Variants in IL5 observed in about 807,000 individuals in gnomAD.
The protein encoded by IL5 is interleukin 5.
Under a neutral mutation model 16.3 loss-of-function variants are expected in IL5, and 12 were observed. The observed-to-expected ratio is 0.74, with a 90% CI of 0.47 to 1.20. The LOEUF (loss-of-function observed/expected upper bound fraction) is 1.20, where lower values mean the gene tolerates loss of function less well. IL5 is among the 50% of genes most tolerant of loss of function. The pLI is 0.00. For synonymous variants in IL5, 54 were observed against 56.6 expected, an observed-to-expected ratio of 0.95 and a Z score of 0.21; for missense variants, 159 against 153.9, an observed-to-expected ratio of 1.03 and a Z score of -0.17.
intron 1 of IL5, among the ~76,000 whole-genome samples, chr5:132,555,532 T>C (rs971682905): frequency 6.6e-6 from 1 of 152,254 alleles, no homozygotes; most frequent in Non-Finnish European, 1.5e-5. Context: ...TAAATTCTTT[T>C]TGAGACGGAG....
chr5:132,551,192 A>G (rs1164123960), intron 1 of IL5, among the ~76,000 whole-genome samples: 4 of 152,240 alleles, frequency 2.6e-5, no homozygotes, highest in Non-Finnish European at 5.9e-5. Flanking sequence ...GGAATAAGAC[A>G]TATGCCTAAA....
chr5:132,552,595 T>C (rs1295325402), intron 1 of IL5, among the ~76,000 whole-genome samples: 1 of 152,170 alleles, frequency 6.6e-6, no homozygotes, highest in Non-Finnish European at 1.5e-5. Flanking sequence ...TTTTTTTCCT[T>C]CAACTCACTA....
intron 1 of IL5, among the ~76,000 whole-genome samples, chr5:132,554,835 T>G (rs944832987): frequency 1.3e-5 from 2 of 152,218 alleles, no homozygotes; most frequent in African/African-American, 4.8e-5. Context: ...TGATGTGTAT[T>G]GTAATGAATC....
chr5:132,546,701 C>T (rs1333908785), upstream of IL5, among the ~76,000 whole-genome samples: 1 of 152,026 alleles, frequency 6.6e-6, no homozygotes, highest in Admixed American at 6.6e-5. Context: ...TAAACTGTCT[C>T]GGAGTTGGAC....
At chr5:132,550,722 T>C (rs1301755610) in intron 1 of IL5, among the ~76,000 whole-genome samples, 1 of 152,228 alleles carries the variant, frequency 6.6e-6, no homozygotes, top group Non-Finnish European at 1.5e-5. Context: ...AGGAGATATA[T>C]TTCTTTCTCT....
exon 1 of IL5, chr5:132,556,726 CCA>C: frequency 8.0e-7 from 1 of 1,243,240 alleles, no homozygotes. Flanking sequence ...TCCAGGAGTC[CCA>C]GGATCAAGCT....
chr5:132,543,122 A>C lies in IL5; in HGVS notation c.149T>G (p.Leu50Arg). The change falls in exon 2 of 4, where the codon CTG becomes CGG. Residue 50 changes from leucine (L) to arginine (R), a missense_variant. Transcript: ENST00000231454. ...HRTLLIANETLRIPVPVHKNH... is the reference protein window; with the variant it reads ...HRTLLIANETRRIPVPVHKNH... Reference sequence around the variant, plus strand: ...TTTATGTACAGGAACAGGAATCCTCAGAGTCTGGAGAGGAAAGGAAATACA... The same window carrying C: ...TTTATGTACAGGAACAGGAATCCTCCGAGTCTGGAGAGGAAAGGAAATACA... The C allele has an allele frequency of 6.2e-7, 1 of 1,606,152 alleles. No homozygotes were observed. Among genetic ancestry groups the C allele is most frequent in the Non-Finnish European group, 8.5e-7 (1 of 1,173,566 alleles).
chr5:132,543,538 C>A (rs1212236577), upstream of IL5: 2 of 1,509,218 alleles, frequency 1.3e-6, no homozygotes, highest in Non-Finnish European at 1.8e-6. Context: ...AAGACTGCGT[C>A]CCCAGTCAAT....
At chr5:132,552,862 G>GT (rs1749906164) in intron 1 of IL5, among the ~76,000 whole-genome samples, 1 of 152,170 alleles carries the variant, frequency 6.6e-6, no homozygotes, top group South Asian at 2.1e-4. Flanking sequence ...AGCCTCCTGA[G>GT]TAGCTAGGAC....
At chr5:132,545,521 C>G (rs1421329380), upstream of IL5, among the ~76,000 whole-genome samples, 1 of 152,088 alleles carries the variant, frequency 6.6e-6, no homozygotes, top group African/African-American at 2.4e-5. Context: ...AACACAGTGG[C>G]TCACGCCTGT....
rs1483361542 is a variant in IL5 at position 132,541,793 on chromosome 5, C to T, written c.*18G>A. 1 of 1,562,528 alleles carries T rather than the reference C, an allele frequency of 6.4e-7. No individual in the cohort carries two copies. The highest frequency in any genetic ancestry group is 1.4e-5 in the African/African-American group (1 of 73,734). ...CCTTCTCCTCCAAAATCTTTGGCTG[C>T]AACAAACCAGTTTAGTCTCAACTTT... On this transcript the variant is annotated 3_prime_UTR_variant, in exon 4 of 4. Transcript: ENST00000231454.
At chr5:132,553,162 T>A (rs1749911374) in intron 1 of IL5, among the ~76,000 whole-genome samples, 1 of 152,194 alleles carries the variant, frequency 6.6e-6, no homozygotes, top group South Asian at 2.1e-4. Flanking sequence ...TAATAAGTCT[T>A]TTAAAATCTA....
intron 1 of IL5, among the ~76,000 whole-genome samples, chr5:132,553,263 C>A (rs1395984974): frequency 6.6e-6 from 1 of 152,166 alleles, no homozygotes; most frequent in African/African-American, 2.4e-5. Flanking sequence ...CCTTTTCCAA[C>A]CCTGTGTTGC....
upstream of IL5, among the ~76,000 whole-genome samples, chr5:132,544,404 C>T (rs1312395568): frequency 6.6e-6 from 1 of 152,170 alleles, no homozygotes; most frequent in Non-Finnish European, 1.5e-5. Context: ...CTAATCCTAC[C>T]TCAACTGCAT....
intron 1 of IL5, among the ~76,000 whole-genome samples, chr5:132,554,340 C>T (rs1749936693): frequency 7.7e-6 from 1 of 129,246 alleles, no homozygotes; most frequent in Admixed American, 9.4e-5. Context: ...GCACTCCAGT[C>T]TGGGTGACAG....
chr5:132,547,665 C>T (rs930918494), upstream of IL5, among the ~76,000 whole-genome samples: 1 of 152,110 alleles, frequency 6.6e-6, no homozygotes, highest in African/African-American at 2.4e-5. Flanking sequence ...ACAATTGTAC[C>T]ATAGTAATGT....
At chr5:132,555,102 AATCTAAT>A (rs1182126522) in intron 1 of IL5, among the ~76,000 whole-genome samples, 9 of 152,196 alleles carry the variant, frequency 5.9e-5, no homozygotes, top group Non-Finnish European at 1.2e-4. Context: ...CTCCTATGAG[AATCTAAT>A]GCCCCCACTG....
upstream of IL5, among the ~76,000 whole-genome samples, chr5:132,547,027 A>G (rs1474563273): frequency 6.6e-6 from 1 of 152,158 alleles, no homozygotes; most frequent in Non-Finnish European, 1.5e-5. Flanking sequence ...CTCCATCTCA[A>G]AAAAAAGAAA....
At chr5:132,543,202 A>C in intron 1 of IL5, 76 bp from the exon 2 acceptor site, 5 of 1,463,748 alleles carry the variant, frequency 3.4e-6, no homozygotes, top group Non-Finnish European at 4.8e-6. Context: ...TTTGCTGGTG[A>C]TGTAGTTATC....
Sources: gnomAD v4.1 joint callset for allele counts (sites outside exome capture counted in the v4.1 genomes callset) on GRCh38, gnomAD v4.1.1 for gene constraint, MANE v1.5 for transcripts, NCBI Gene and HGNC (gene_info 2026-07-23, HGNC 2026-07-21) for gene names.